The following ZBTB20 variants were observed in gnomAD, a reference collection of about 807,000 sequenced individuals.
ZBTB20 encodes the protein zinc finger and BTB domain-containing protein 20.
Under a neutral mutation model 56.9 loss-of-function variants are expected in ZBTB20, and 9 were observed. The ratio of observed to expected loss-of-function variants is 0.16; its 90% CI spans 0.10 to 0.28. ZBTB20 has a LOEUF of 0.28. Among genes scored for constraint, ZBTB20 ranks in the 10% least tolerant of loss-of-function variants. The pLI is 1.00. For synonymous variants in ZBTB20, 417 were observed against 420.7 expected (o/e 0.99, Z 0.11); for missense variants, 655 against 1,003.0 (o/e 0.65, Z 4.69).
intron 3 of ZBTB20, among the ~76,000 whole-genome samples, chr3:114,941,451 A>C (rs1324413489): frequency 1.4e-5 from 2 of 146,202 alleles, no homozygotes; most frequent in Non-Finnish European, 2.9e-5. Flanking sequence ...TGTTTTCCTA[A>C]ATTCTGTTAA....
chr3:114,385,005 G>A (rs1290986782), intron 8 of ZBTB20, among the ~76,000 whole-genome samples: 2 of 152,190 alleles, frequency 1.3e-5, no homozygotes, highest in African/African-American at 4.8e-5. Context: ...CCAGGGTGTT[G>A]AGAGTGCTCT....
intron 6 of ZBTB20, among the ~76,000 whole-genome samples, chr3:114,646,195 G>C (rs542257558): frequency 1.3e-5 from 2 of 151,888 alleles, no homozygotes; most frequent in African/African-American, 4.9e-5. Context: ...GTAGGGGTCT[G>C]TGGGTGAAAC....
intron 2 of ZBTB20, among the ~76,000 whole-genome samples, chr3:114,990,252 C>T (rs1418109525): frequency 6.6e-6 from 1 of 152,110 alleles, no homozygotes; most frequent in Non-Finnish European, 1.5e-5. Flanking sequence ...TCATAAATAG[C>T]TCTCATTATT....
chr3:114,758,108 T>A (rs1254073006), intron 5 of ZBTB20, among the ~76,000 whole-genome samples: 1 of 152,148 alleles, frequency 6.6e-6, no homozygotes, highest in Non-Finnish European at 1.5e-5. Flanking sequence ...ATTTTCCAGG[T>A]TATCACAGAA....
At chr3:114,671,781 T>C (rs1286726407) in intron 6 of ZBTB20, among the ~76,000 whole-genome samples, 1 of 152,088 alleles carries the variant, frequency 6.6e-6, no homozygotes, top group Non-Finnish European at 1.5e-5. Flanking sequence ...ACAGCAATAA[T>C]TATTATCCAT....
intron 6 of ZBTB20, among the ~76,000 whole-genome samples, chr3:114,692,362 A>G (rs2062751833): frequency 6.6e-6 from 1 of 152,138 alleles, no homozygotes; most frequent in South Asian, 2.1e-4. Flanking sequence ...AGAGACAGAG[A>G]TAGATGTGCA....
At chr3:115,018,409 A>G (rs1347694897) in intron 2 of ZBTB20, among the ~76,000 whole-genome samples, 1 of 151,552 alleles carries the variant, frequency 6.6e-6, no homozygotes, top group Non-Finnish European at 1.5e-5. Flanking sequence ...AAAAAGGTGT[A>G]TATGTGACAT....
At chr3:114,783,297 GA>G (rs1357595676) in intron 5 of ZBTB20, among the ~76,000 whole-genome samples, 1 of 152,190 alleles carries the variant, frequency 6.6e-6, no homozygotes. Context: ...TATTGACCTT[GA>G]ATTTCTTCTG....
chr3:114,871,350 T>C (rs1016784436), intron 4 of ZBTB20, among the ~76,000 whole-genome samples: 1 of 152,154 alleles, frequency 6.6e-6, no homozygotes, highest in Non-Finnish European at 1.5e-5. Context: ...TAAATACATC[T>C]TTCAGTATCT....
At chr3:114,929,880 C>G (rs1451416178) in intron 3 of ZBTB20, among the ~76,000 whole-genome samples, 1 of 152,138 alleles carries the variant, frequency 6.6e-6, no homozygotes, top group Admixed American at 6.5e-5. Flanking sequence ...CCAAGAGCTT[C>G]CAAGTTTAAT....
chr3:114,621,851 A>G (rs1379515188), intron 6 of ZBTB20, among the ~76,000 whole-genome samples: 1 of 152,158 alleles, frequency 6.6e-6, no homozygotes, highest in Non-Finnish European at 1.5e-5. Flanking sequence ...AGCACAAAAA[A>G]TACATCGTCT....
intron 4 of ZBTB20, among the ~76,000 whole-genome samples, chr3:114,836,306 A>G (rs753354482): frequency 5.3e-5 from 8 of 152,202 alleles, no homozygotes; most frequent in Non-Finnish European, 1.0e-4. Flanking sequence ...GTCAGTATAT[A>G]TTACTTACAA....
At chr3:114,587,114 A>G (rs1407078545) in intron 6 of ZBTB20, among the ~76,000 whole-genome samples, 1 of 148,298 alleles carries the variant, frequency 6.7e-6, no homozygotes, top group Non-Finnish European at 1.5e-5. Context: ...CTCCTGCCTC[A>G]GCCTCCTGAG....
At chr3:114,419,049 ACT>A (rs2088869232) in intron 7 of ZBTB20, 1 of 151,948 alleles carries the variant, frequency 6.6e-6, no homozygotes. Context: ...ACAGAATCAA[ACT>A]CTGTAATTAA....
Position 115,136,690 on chromosome 3 carries a change from T to C in ZBTB20, c.-703+10529A>G, listed in dbSNP as rs779970931. Among the ~76,000 whole-genome samples the C allele has an allele frequency of 1.1e-4, 16 of 152,126 alleles. No individual in the cohort carries two copies. The South Asian group carries it at 2.3e-3, about 22-fold the overall frequency. ...AACAACCATTTATTTTTGGCTCTTA[T>C]ACACTTTGGTAATTCGCTTAACAAC... On this transcript the variant is annotated intron_variant, in intron 1 of 11. Coordinates refer to ENST00000675478, the MANE Select transcript of ZBTB20 (RefSeq NM_001348800.3).
chr3:114,390,291 G>A (rs1225759462), intron 7 of ZBTB20, among the ~76,000 whole-genome samples: 1 of 152,042 alleles, frequency 6.6e-6, no homozygotes, highest in African/African-American at 2.4e-5. Flanking sequence ...CTTTTTGAAG[G>A]CTGAATAGTG....
At chr3:114,456,134 AG>A (rs2091997323) in intron 7 of ZBTB20, among the ~76,000 whole-genome samples, 1 of 152,142 alleles carries the variant, frequency 6.6e-6, no homozygotes, top group South Asian at 2.1e-4. Context: ...ATGTTTAAAT[AG>A]CCAAATGGAA....
At chr3:114,738,283 CTTT>C (rs2108578021) in intron 5 of ZBTB20, among the ~76,000 whole-genome samples, 1 of 151,500 alleles carries the variant, frequency 6.6e-6, no homozygotes, top group African/African-American at 2.4e-5. Context: ...TTGATAAAAT[CTTT>C]TTAAGTGATA....
chr3:114,316,458 A>G lies in ZBTB20; in HGVS notation c.*22547T>C, dbSNP rs1015544547. 8.2e-6 allele frequency: 4 copies of G among 487,842 alleles called. No homozygotes were observed. The highest frequency in any genetic ancestry group is 8.1e-5 in the African/African-American group (4 of 49,644). 30.2% of individuals were successfully genotyped at this position (487,842 alleles called of 1,614,324 possible). ...ATGAGCATCTGATTTTGTTATGTGC[A>G]TGTGTGTATATATGCACATATACAC... On this transcript the variant is annotated 3_prime_UTR_variant, in exon 12 of 12. Transcript: ENST00000675478.
Sources: allele counts gnomAD v4.1 joint callset (sites outside exome capture counted in the v4.1 genomes callset), GRCh38; gene constraint gnomAD v4.1.1; transcripts MANE v1.5; gene names NCBI Gene and HGNC (gene_info 2026-07-23, HGNC 2026-07-21).